SNTG1: variants seen among roughly 807,000 people sequenced by gnomAD.
SNTG1 encodes syntrophin gamma 1, also known as gamma-1-syntrophin.
A neutral mutation model predicts 74.7 loss-of-function variants in SNTG1; 39 were observed. That is an observed-to-expected ratio of 0.52 (90% confidence interval 0.40 to 0.68). The LOEUF (loss-of-function observed/expected upper bound fraction) is 0.68, where lower values mean the gene tolerates loss of function less well. Ranked by LOEUF, SNTG1 falls within the 30% of genes least tolerant of loss-of-function variation. SNTG1 has a pLI of 0.00. For synonymous variants in SNTG1, 254 were observed against 217.1 expected (o/e 1.17, Z -1.49); for missense variants, 685 against 609.5 (o/e 1.12, Z -1.30).
intron 13 of SNTG1, among the ~76,000 whole-genome samples, chr8:50,652,799 A>T (rs1306887611): frequency 6.6e-6 from 1 of 152,166 alleles, no homozygotes; most frequent in African/African-American, 2.4e-5. Context: ...TGTCTCAAAA[A>T]CAATAATAAG....
intron 17 of SNTG1, among the ~76,000 whole-genome samples, chr8:50,731,790 T>A (rs2131622786): frequency 6.6e-6 from 1 of 152,254 alleles, no homozygotes; most frequent in African/African-American, 2.4e-5. Flanking sequence ...GAACAAAATA[T>A]TGGTAAAAGA....
chr8:50,729,886 T>C lies in SNTG1; in HGVS notation c.1284+20908T>C, dbSNP rs115791925. On this transcript the variant is annotated intron_variant, in intron 17 of 18. Transcript: ENST00000642720. ...TTTCTATATCACCTAGGACTTCAAC[T>C]GTGACCAAGGAATTCATTATGATGG... Among the ~76,000 whole-genome samples the C allele has an allele frequency of 1.9e-3, 294 of 152,238 alleles. 2 individuals carry two copies. The highest frequency in any genetic ancestry group is 6.9e-3 in the African/African-American group (287 of 41,550).
chr8:50,579,489 C>G (rs983309476), intron 12 of SNTG1, among the ~76,000 whole-genome samples: 1 of 152,144 alleles, frequency 6.6e-6, no homozygotes, highest in African/African-American at 2.4e-5. Context: ...CAGGGCGTGT[C>G]AGAGACCTTC....
chr8:50,457,609 CA>C (rs780990367), intron 8 of SNTG1, among the ~76,000 whole-genome samples: 60 of 152,126 alleles, frequency 3.9e-4, no homozygotes, highest in Non-Finnish European at 6.3e-4. Flanking sequence ...GAAGAGAAGA[CA>C]GGGGGCAAGG....
chr8:50,353,760 C>G (rs1225052806), intron 2 of SNTG1, among the ~76,000 whole-genome samples: 1 of 152,262 alleles, frequency 6.6e-6, no homozygotes, highest in South Asian at 2.1e-4. Flanking sequence ...ACCACAAAAC[C>G]CACACTCATT....
intron 8 of SNTG1, among the ~76,000 whole-genome samples, chr8:50,482,394 A>T (rs761801988): frequency 3.3e-5 from 5 of 152,136 alleles, no homozygotes; most frequent in Non-Finnish European, 7.4e-5. Flanking sequence ...GTCCCCGCCT[A>T]CTTACCACCT....
rs1250755299 is a variant in SNTG1 at position 50,179,817 on chromosome 8, G to T, written c.-28+7182G>T. On this transcript the variant is annotated intron_variant, in intron 2 of 18. Coordinates refer to ENST00000642720, the MANE Select transcript of SNTG1 (RefSeq NM_018967.5). ...AGGGTGTGGAGGGAAGGAAACCCTT[G>T]TGCACTGCTGCTGAGAATGTAAATT... is the stretch of plus-strand genomic sequence containing the variant. 9.2e-5 allele frequency among the ~76,000 whole-genome samples: 14 copies of T among 152,236 alleles called. No individual in the cohort carries two copies. In the East Asian group the frequency reaches 2.5e-3, roughly 27 times the overall value.
At chr8:50,491,458 C>G (rs894300837) in intron 8 of SNTG1, 3 of 152,236 alleles carry the variant, frequency 2.0e-5, no homozygotes, top group Non-Finnish European at 2.9e-5. Context: ...TGATTCCATC[C>G]GAAGACTACA....
intron 1 of SNTG1, among the ~76,000 whole-genome samples, chr8:50,168,368 G>A (rs144108814): frequency 1.4e-3 from 219 of 152,102 alleles, no homozygotes; most frequent in African/African-American, 4.8e-3. Flanking sequence ...TTATATTACT[G>A]CCATTAAGTA....
chr8:50,010,046 A>T (rs1017631955), intron 1 of SNTG1, among the ~76,000 whole-genome samples: 14 of 152,044 alleles, frequency 9.2e-5, no homozygotes, highest in Admixed American at 2.0e-4. Flanking sequence ...TTTCCTTTTT[A>T]TCAAGTCTCA....
At chr8:50,074,804 C>T (rs1414304178) in intron 1 of SNTG1, among the ~76,000 whole-genome samples, 1 of 152,204 alleles carries the variant, frequency 6.6e-6, no homozygotes, top group African/African-American at 2.4e-5. Flanking sequence ...GGGAGCCACT[C>T]TCTGGGCTGG....
intron 2 of SNTG1, among the ~76,000 whole-genome samples, chr8:50,251,697 C>T (rs2086654710): frequency 6.6e-6 from 1 of 151,796 alleles, no homozygotes; most frequent in Non-Finnish European, 1.5e-5. Flanking sequence ...TATGTATGCA[C>T]CCAAAACAGG....
intron 1 of SNTG1, among the ~76,000 whole-genome samples, chr8:50,032,900 A>T (rs778077269): frequency 6.6e-6 from 1 of 152,006 alleles, no homozygotes; most frequent in Non-Finnish European, 1.5e-5. Flanking sequence ...ACTCACAATA[A>T]TCTGGTCCCA....
At chr8:50,655,131 A>G (rs536913468) in intron 13 of SNTG1, among the ~76,000 whole-genome samples, 3 of 152,166 alleles carry the variant, frequency 2.0e-5, no homozygotes, top group African/African-American at 7.2e-5. Flanking sequence ...TGCTTTAAGC[A>G]TATTCTTTTC....
At chr8:50,554,062 C>A (rs2094441936) in intron 12 of SNTG1, among the ~76,000 whole-genome samples, 1 of 152,106 alleles carries the variant, frequency 6.6e-6, no homozygotes, top group African/African-American at 2.4e-5. Flanking sequence ...CAAAATTGTT[C>A]TTATGTAAAT....
chr8:50,169,495 G>A (rs893915835), intron 1 of SNTG1, among the ~76,000 whole-genome samples: 3 of 152,170 alleles, frequency 2.0e-5, no homozygotes, highest in Non-Finnish European at 2.9e-5. Flanking sequence ...TAGAAAGGGA[G>A]GGAGAAGACA....
intron 1 of SNTG1, among the ~76,000 whole-genome samples, chr8:49,941,603 G>T (rs923060): frequency 0.64 from 96,078 of 151,026 alleles, 34,366 homozygotes; most frequent in East Asian, 0.86. Flanking sequence ...CCTGCTTCAG[G>T]TTCATGGGCA....
intron 1 of SNTG1, among the ~76,000 whole-genome samples, chr8:50,021,868 G>A (rs1214219231): frequency 6.6e-6 from 1 of 151,286 alleles, no homozygotes; most frequent in Admixed American, 6.6e-5. Context: ...TTGAGCCTGG[G>A]AGATTGAGGC....
chr8:50,322,705 G>A (rs2090579030), intron 2 of SNTG1, among the ~76,000 whole-genome samples: 1 of 151,658 alleles, frequency 6.6e-6, no homozygotes, highest in Admixed American at 6.6e-5. Flanking sequence ...AGATCTTGTA[G>A]GCATGCTTCA....
Sources: allele counts gnomAD v4.1 joint callset (sites outside exome capture counted in the v4.1 genomes callset), GRCh38; gene constraint gnomAD v4.1.1; transcripts MANE v1.5; gene names NCBI Gene and HGNC (gene_info 2026-07-23, HGNC 2026-07-21).